SHISA9: variants seen among roughly 807,000 people sequenced by gnomAD.
SHISA9 encodes shisa family member 9, also known as protein shisa-9.
SHISA9 carries 13 observed loss-of-function variants against 38.0 expected under a neutral mutation model. The observed-to-expected ratio is 0.34, with a 90% confidence interval of 0.22 to 0.54. The LOEUF (loss-of-function observed/expected upper bound fraction) is 0.54, where lower values mean the gene tolerates loss of function less well. Ranked by LOEUF, SHISA9 falls within the 20% of genes least tolerant of loss-of-function variation. The probability of loss-of-function intolerance (pLI) is 0.91; values close to 1 mark genes in which losing one functional copy is unlikely to be tolerated. For missense variants in SHISA9, 538 were observed against 575.8 expected (o/e 0.93, Z 0.67); for synonymous variants, 275 against 242.0 (o/e 1.14, Z -1.27).
At chr16:12,935,357 T>C (rs529912646) in intron 2 of SHISA9, among the ~76,000 whole-genome samples, 1 of 152,316 alleles carries the variant, frequency 6.6e-6, no homozygotes, top group African/African-American at 2.4e-5. Context: ...TCTACCAACA[T>C]CTAGATGCTG....
intron 2 of SHISA9, among the ~76,000 whole-genome samples, chr16:13,059,418 C>T (rs1300980061): frequency 1.3e-5 from 2 of 152,140 alleles, no homozygotes; most frequent in African/African-American, 2.4e-5. Flanking sequence ...TGAGCCACCG[C>T]ACCTGGCCTA....
At chr16:12,961,084 AGG>A (rs2141792736) in intron 2 of SHISA9, among the ~76,000 whole-genome samples, 1 of 152,254 alleles carries the variant, frequency 6.6e-6, no homozygotes, top group South Asian at 2.1e-4. Flanking sequence ...GTCAGGGGTC[AGG>A]GGACGTTTTC....
chr16:13,297,612 C>T, the SHISA9 span, among the ~76,000 whole-genome samples: 5 of 152,084 alleles, frequency 3.3e-5, no homozygotes, highest in Non-Finnish European at 7.4e-5. Flanking sequence ...GTCCCTTAGG[C>T]GGGAAAAGAT....
the SHISA9 span, among the ~76,000 whole-genome samples, chr16:13,481,514 A>G: frequency 6.6e-6 from 1 of 152,128 alleles, no homozygotes; most frequent in African/African-American, 2.4e-5. Context: ...CTCTGCTTCC[A>G]CCACAGCCTC....
intron 2 of SHISA9, among the ~76,000 whole-genome samples, chr16:12,986,564 C>G (rs1263842441): frequency 6.6e-6 from 1 of 152,228 alleles, no homozygotes; most frequent in Admixed American, 6.5e-5. Flanking sequence ...GCTCGGAGGT[C>G]TTTTCAGACT....
At chr16:13,057,377 A>G (rs1487136186) in intron 2 of SHISA9, among the ~76,000 whole-genome samples, 1 of 152,202 alleles carries the variant, frequency 6.6e-6, no homozygotes, top group African/African-American at 2.4e-5. Context: ...GATTCACCGT[A>G]TCCTAATTGC....
At position 13,048,430 on chromosome 16, in the gene SHISA9, T is replaced by C. The variant is rs74245933; in HGVS notation, c.691+131615T>C. On this transcript the variant is annotated intron_variant, in intron 2 of 4. Coordinates refer to ENST00000558583, the MANE Select transcript of SHISA9 (RefSeq NM_001145204.3). ...AAAAATAGTTTATGGACTTATAACA[T>C]TTTTTTTTTGAGACGGAGTCTAGCT... Among the ~76,000 whole-genome samples the C allele has an allele frequency of 5.0e-4, 74 of 148,040 alleles. No homozygotes were observed. In the East Asian group the frequency reaches 0.014, roughly 28 times the overall value.
intron 3 of SHISA9, among the ~76,000 whole-genome samples, chr16:13,212,089 G>C (rs1328249429): frequency 6.6e-6 from 1 of 152,206 alleles, no homozygotes; most frequent in African/African-American, 2.4e-5. Flanking sequence ...CGCCTGGGGA[G>C]GCCAGCCAGA....
chr16:13,205,771 T>C (rs2051057752), intron 3 of SHISA9, among the ~76,000 whole-genome samples: 1 of 152,108 alleles, frequency 6.6e-6, no homozygotes, highest in Non-Finnish European at 1.5e-5. Context: ...TTCTTCTTTT[T>C]TCTTTTTTGA....
intron 2 of SHISA9, among the ~76,000 whole-genome samples, chr16:13,094,453 G>A (rs1473775858): frequency 2.0e-5 from 3 of 150,778 alleles, no homozygotes; most frequent in Non-Finnish European, 4.4e-5. Flanking sequence ...CAGATGACTA[G>A]GCAAAAATAA....
At chr16:13,116,215 A>G (rs74012268) in intron 2 of SHISA9, among the ~76,000 whole-genome samples, 7,623 of 152,230 alleles carry the variant, frequency 0.05, 291 homozygotes, top group East Asian at 0.17. Flanking sequence ...ACCCTTGTTA[A>G]GTTGGCAGAG....
chr16:13,114,900 CTCCA>C (rs3075115), intron 2 of SHISA9, among the ~76,000 whole-genome samples: 3,600 of 149,764 alleles, frequency 0.024, 132 homozygotes, highest in African/African-American at 0.079. Flanking sequence ...TTACATCTAA[CTCCA>C]TCCATCCATC....
chr16:13,456,253 C>T, the SHISA9 span, among the ~76,000 whole-genome samples: 2 of 152,190 alleles, frequency 1.3e-5, no homozygotes, highest in Non-Finnish European at 2.9e-5. Flanking sequence ...AAACTGGAAG[C>T]CGTTAGACTG....
At chr16:13,077,735 T>C (rs2073599976) in intron 2 of SHISA9, among the ~76,000 whole-genome samples, 2 of 152,132 alleles carry the variant, frequency 1.3e-5, no homozygotes, top group South Asian at 4.1e-4. Context: ...TTCAGTTCCT[T>C]TCCTTTTCCA....
At chr16:13,040,605 A>T (rs1320483734) in intron 2 of SHISA9, among the ~76,000 whole-genome samples, 2 of 152,238 alleles carry the variant, frequency 1.3e-5, no homozygotes, top group Non-Finnish European at 2.9e-5. Context: ...GTAAACTTCA[A>T]GAGAGCAGGG....
At chr16:13,469,876 A>G in the SHISA9 span, among the ~76,000 whole-genome samples, 2 of 152,198 alleles carry the variant, frequency 1.3e-5, no homozygotes, top group East Asian at 3.8e-4. Flanking sequence ...GCTCTTTTCA[A>G]CTAAAGAGTA....
At chr16:12,933,847 A>G (rs534815452) in intron 2 of SHISA9, among the ~76,000 whole-genome samples, 34 of 152,164 alleles carry the variant, frequency 2.2e-4, no homozygotes, top group African/African-American at 6.3e-4. Context: ...ACGGGAGCCT[A>G]TGTTATAGTG....
intron 2 of SHISA9, among the ~76,000 whole-genome samples, chr16:13,008,597 C>A (rs1372520793): frequency 1.3e-5 from 2 of 150,686 alleles, no homozygotes; most frequent in South Asian, 4.2e-4. Flanking sequence ...CGGTGCTTCC[C>A]CCTTTTTTCT....
intron 2 of SHISA9, among the ~76,000 whole-genome samples, chr16:13,178,603 T>C (rs1009764348): frequency 9.2e-5 from 14 of 152,212 alleles, no homozygotes; most frequent in African/African-American, 3.4e-4. Context: ...GGGAGAGTCC[T>C]CCCCGTCCCC....
Sources: gnomAD v4.1 joint callset for allele counts (sites outside exome capture counted in the v4.1 genomes callset) on GRCh38, gnomAD v4.1.1 for gene constraint, MANE v1.5 for transcripts, NCBI Gene and HGNC (gene_info 2026-07-23, HGNC 2026-07-21) for gene names.